The following CAMKMT variants were observed in gnomAD, a reference collection of about 807,000 sequenced individuals.
CAMKMT encodes the protein calmodulin-lysine N-methyltransferase, also known as CaM KMT.
A neutral mutation model predicts 48.0 loss-of-function variants in CAMKMT; 53 were observed. That is an observed-to-expected ratio of 1.10 (90% CI 0.89 to 1.39). The LOEUF (loss-of-function observed/expected upper bound fraction) is 1.39. CAMKMT is among the 40% of genes most tolerant of loss of function. The pLI, the probability that CAMKMT is intolerant of heterozygous loss-of-function variation, is 0.00. For synonymous variants in CAMKMT, 165 were observed against 152.3 expected (o/e 1.08, Z -0.61); for missense variants, 428 against 402.7 (o/e 1.06, Z -0.54).
At chr2:44,484,823 A>C (rs543977094) in intron 3 of CAMKMT, among the ~76,000 whole-genome samples, 1 of 152,254 alleles carries the variant, frequency 6.6e-6, no homozygotes, top group South Asian at 2.1e-4. Context: ...TTTGAAATGC[A>C]TATAACTAAG....
chr2:44,464,560 G>A (rs1326295181), intron 3 of CAMKMT, among the ~76,000 whole-genome samples: 1 of 152,174 alleles, frequency 6.6e-6, no homozygotes, highest in Non-Finnish European at 1.5e-5. Flanking sequence ...GAATGTCAAA[G>A]ACAGAATCTG....
At chr2:44,763,247 A>C (rs1481474433) in intron 9 of CAMKMT, among the ~76,000 whole-genome samples, 1 of 152,230 alleles carries the variant, frequency 6.6e-6, no homozygotes, top group Non-Finnish European at 1.5e-5. Flanking sequence ...AAGTAGTTAG[A>C]GATTAAAACT....
intron 3 of CAMKMT, among the ~76,000 whole-genome samples, chr2:44,597,942 G>A (rs11885286): frequency 0.64 from 97,629 of 151,832 alleles, 31,876 homozygotes; most frequent in Admixed American, 0.71. Flanking sequence ...TCACCATGTT[G>A]GTCAGGCTGG....
At chr2:44,381,766 A>G (rs1332848136) in intron 2 of CAMKMT, among the ~76,000 whole-genome samples, 1 of 152,200 alleles carries the variant, frequency 6.6e-6, no homozygotes, top group Non-Finnish European at 1.5e-5. Context: ...AATAAAAGGA[A>G]TATGTGAACA....
At chr2:44,501,305 C>G (rs569340342) in intron 3 of CAMKMT, among the ~76,000 whole-genome samples, 159 of 152,182 alleles carry the variant, frequency 1.0e-3, no homozygotes, top group African/African-American at 3.7e-3. Context: ...TTTGAGAAAG[C>G]ATTGACACTC....
At chr2:44,679,167 T>G (rs1018372966) in intron 3 of CAMKMT, among the ~76,000 whole-genome samples, 1 of 152,164 alleles carries the variant, frequency 6.6e-6, no homozygotes, top group African/African-American at 2.4e-5. Flanking sequence ...AACTCCAGTG[T>G]TTTGGGGCCT....
chr2:44,456,212 G>C (rs1163053336), intron 3 of CAMKMT, among the ~76,000 whole-genome samples: 1 of 152,102 alleles, frequency 6.6e-6, no homozygotes, highest in Non-Finnish European at 1.5e-5. Flanking sequence ...ATGTGCGTGA[G>C]TATGAAAACA....
At chr2:44,414,626 T>C (rs1683426545) in intron 3 of CAMKMT, among the ~76,000 whole-genome samples, 1 of 152,196 alleles carries the variant, frequency 6.6e-6, no homozygotes, top group South Asian at 2.1e-4. Context: ...ATACCATTAC[T>C]GCAGCCATGT....
At chr2:44,644,084 A>T (rs1421433182) in intron 3 of CAMKMT, among the ~76,000 whole-genome samples, 1 of 152,208 alleles carries the variant, frequency 6.6e-6, no homozygotes, top group African/African-American at 2.4e-5. Flanking sequence ...TAACATGACT[A>T]TGATCATCTA....
In CAMKMT at chr2:44,653,116, T is replaced by C. The variant is rs2104046829; in HGVS notation, c.377-51167T>C. Among the ~76,000 whole-genome samples, 1 of 152,334 alleles carries C rather than the reference T, an allele frequency of 6.6e-6. No homozygotes were observed. Among genetic ancestry groups the C allele is most frequent in the Non-Finnish European group, 1.5e-5 (1 of 68,030 alleles). ...CTCCCAGGACACATTGGCTAGTTTC[T>C]AACGTACAGTCTTGTGCTTGTTGAT... On this transcript the variant is annotated intron_variant, in intron 3 of 10. Transcript: ENST00000378494. This position sits in a 1 kb window ranked among gnomAD's most constrained non-coding sequence, Gnocchi z 5.2.
intron 3 of CAMKMT, among the ~76,000 whole-genome samples, chr2:44,460,630 C>G (rs188875342): frequency 1.3e-5 from 2 of 151,754 alleles, no homozygotes; most frequent in African/African-American, 2.4e-5. Flanking sequence ...TGTGGTTGTC[C>G]TCTTGGAGCT....
At chr2:44,740,948 G>A (rs1679644050) in intron 7 of CAMKMT, among the ~76,000 whole-genome samples, 1 of 152,316 alleles carries the variant, frequency 6.6e-6, no homozygotes, top group African/African-American at 2.4e-5. Context: ...GTCAGAGATT[G>A]GCTAGAGTTG....
intron 3 of CAMKMT, among the ~76,000 whole-genome samples, chr2:44,450,355 A>G (rs1345452461): frequency 6.6e-6 from 1 of 152,114 alleles, no homozygotes; most frequent in African/African-American, 2.4e-5. Flanking sequence ...AGTCAGCTCT[A>G]AATCTTTAGG....
chr2:44,621,957 A>G (rs572105328), intron 3 of CAMKMT, among the ~76,000 whole-genome samples: 1 of 152,312 alleles, frequency 6.6e-6, no homozygotes, highest in East Asian at 1.9e-4. Context: ...CATGAATTCA[A>G]GATGTAATTT....
chr2:44,708,590 T>G (rs980657202), intron 6 of CAMKMT, among the ~76,000 whole-genome samples: 1 of 152,078 alleles, frequency 6.6e-6, no homozygotes, highest in Non-Finnish European at 1.5e-5. Context: ...TCACAAAAGG[T>G]GCTTCCTTTT....
At chr2:44,651,193 C>T (rs1346949415) in intron 3 of CAMKMT, among the ~76,000 whole-genome samples, 1 of 152,102 alleles carries the variant, frequency 6.6e-6, no homozygotes, top group Non-Finnish European at 1.5e-5. Context: ...ACTAAATAGG[C>T]TAAAGAAGAA....
intron 3 of CAMKMT, among the ~76,000 whole-genome samples, chr2:44,664,802 A>G (rs1350604246): frequency 6.6e-6 from 1 of 152,180 alleles, no homozygotes; most frequent in Non-Finnish European, 1.5e-5. Context: ...AAAGGGTTTT[A>G]AAGGAGATTT....
intron 8 of CAMKMT, among the ~76,000 whole-genome samples, chr2:44,751,233 A>G (rs1174306446): frequency 6.6e-6 from 1 of 151,918 alleles, no homozygotes; most frequent in East Asian, 1.9e-4. Flanking sequence ...TCATCTGATG[A>G]CCTCCGTCTT....
At chr2:44,508,759 G>A (rs1182577992) in intron 3 of CAMKMT, among the ~76,000 whole-genome samples, 1 of 151,998 alleles carries the variant, frequency 6.6e-6, no homozygotes, top group Non-Finnish European at 1.5e-5. Flanking sequence ...ATAATATTAT[G>A]TTAAAGGCAG....
Sources: gnomAD v4.1 joint callset for allele counts (sites outside exome capture counted in the v4.1 genomes callset) on GRCh38, gnomAD v4.1.1 for gene constraint, Gnocchi (gnomAD v3.1) non-coding constraint, MANE v1.5 for transcripts, NCBI Gene and HGNC (gene_info 2026-07-23, HGNC 2026-07-21) for gene names.